BAIAP2: variants seen among roughly 807,000 people sequenced by gnomAD.
The protein encoded by BAIAP2 is BAR/IMD domain containing adaptor protein 2.
Under a neutral mutation model 63.0 loss-of-function variants are expected in BAIAP2, and 18 were observed. The ratio of observed to expected loss-of-function variants is 0.29; its 90% confidence interval spans 0.20 to 0.42. The LOEUF is 0.42. BAIAP2 is among the 10% of genes least tolerant of loss of function. The pLI is 1.00. For missense variants in BAIAP2, 610 were observed against 734.3 expected (o/e 0.83, Z 1.96); for synonymous variants, 386 against 307.6 (o/e 1.25, Z -2.67).
chr17:81,115,660 G>T, intron 13 of BAIAP2, 110 bp from the exon 14 acceptor site: 3 of 1,305,128 alleles, frequency 2.3e-6, no homozygotes, highest in Admixed American at 1.8e-5. Context: ...CCTGAGATCG[G>T]ACCGTAGGCA....
intron 6 of BAIAP2, among the ~76,000 whole-genome samples, chr17:81,089,678 C>T (rs2056378519): frequency 6.6e-6 from 1 of 152,140 alleles, no homozygotes; most frequent in African/African-American, 2.4e-5. Context: ...CTGTCTGCGT[C>T]CTGATGGGCC....
At chr17:81,068,942 C>G (rs1260153652) in intron 3 of BAIAP2, among the ~76,000 whole-genome samples, 2 of 152,172 alleles carry the variant, frequency 1.3e-5, no homozygotes, top group African/African-American at 4.8e-5. Context: ...CTGCTCCAGG[C>G]TCCTCCACTC....
intron 3 of BAIAP2, among the ~76,000 whole-genome samples, chr17:81,066,282 G>A (rs982106516): frequency 2.0e-5 from 3 of 152,356 alleles, no homozygotes; most frequent in Middle Eastern, 3.4e-3. Flanking sequence ...CCAGGTGCCC[G>A]GGAGAGTGGC....
At chr17:81,062,489 C>T (rs1193282114) in intron 3 of BAIAP2, among the ~76,000 whole-genome samples, 2 of 152,204 alleles carry the variant, frequency 1.3e-5, no homozygotes, top group African/African-American at 4.8e-5. Flanking sequence ...CAGCTGCACC[C>T]TTGCACTGGC....
At chr17:81,063,926 C>G (rs2051021479) in intron 3 of BAIAP2, 1 of 147,714 alleles carries the variant, frequency 6.8e-6, no homozygotes, top group South Asian at 2.2e-4. Context: ...AAGGCAGAGC[C>G]CTGGTCTGTG....
chr17:81,051,177 C>T (rs1452839624), intron 1 of BAIAP2, among the ~76,000 whole-genome samples: 2 of 152,028 alleles, frequency 1.3e-5, no homozygotes, highest in African/African-American at 4.8e-5. Flanking sequence ...TGCTGTGCTC[C>T]AGCATCCCCG....
At position 81,106,772 on chromosome 17, in the gene BAIAP2, G is replaced by C; in HGVS notation, c.1365G>C (p.Thr455=). ...MSLQQGKSSS[T]GNLLDKDDLA... ...TGCAGCAAGGGAAGAGCAGCAGCAC[G>C]GGCAACCTCCTGGACAAGGACGACC... The change falls in exon 12 of 14, where the codon ACG becomes ACC. Residue 455 remains threonine, a synonymous_variant. Transcript: ENST00000428708. The C allele has an allele frequency of 6.2e-7, 1 of 1,612,640 alleles. No homozygotes were observed. The highest frequency in any genetic ancestry group is 8.5e-7 in the Non-Finnish European group (1 of 1,179,796).
intron 3 of BAIAP2, among the ~76,000 whole-genome samples, chr17:81,066,751 C>T (rs1018549829): frequency 6.6e-6 from 1 of 152,220 alleles, no homozygotes; most frequent in African/African-American, 2.4e-5. Context: ...GGGCCTCCTG[C>T]TCTCTGTGAG....
rs1351490654 is a variant in BAIAP2 at position 81,069,683 on chromosome 17, G to A, written c.217+11716G>A. ...TTCTCCATCCATGGCAGCTCCCTCT[G>A]CCCACTCGGGGGACTCTCCCCCGCC... On this transcript the variant is annotated intron_variant, in intron 3 of 13. Transcript: ENST00000428708. Among the ~76,000 whole-genome samples, 3 of 152,202 alleles carry A rather than the reference G, an allele frequency of 2.0e-5. No individual in the cohort carries two copies. The East Asian group carries it at 5.8e-4, about 29-fold the overall frequency.
chr17:81,116,253 C>T lies in BAIAP2; in HGVS notation c.*414C>T, dbSNP rs373541595. ...AGGTGTGATCTGTCCGCCCAAGGGC[C>T]AGAAGGCCGGGAGCACGGGGATGGG... On this transcript the variant is annotated 3_prime_UTR_variant, in exon 14 of 14. Transcript: ENST00000428708. 1 of 1,612,760 alleles carries T rather than the reference C, an allele frequency of 6.2e-7. No homozygotes were observed. The highest frequency in any genetic ancestry group is 2.2e-5 in the East Asian group (1 of 44,892).
At chr17:81,100,979 C>T (rs1439850626) in intron 7 of BAIAP2, among the ~76,000 whole-genome samples, 1 of 152,188 alleles carries the variant, frequency 6.6e-6, no homozygotes, top group African/African-American at 2.4e-5. Context: ...GACCCCTCTG[C>T]CCGTCATCTG....
intron 3 of BAIAP2, among the ~76,000 whole-genome samples, chr17:81,081,896 C>T (rs990867267): frequency 1.3e-5 from 2 of 152,212 alleles, no homozygotes; most frequent in Non-Finnish European, 2.9e-5. Context: ...GGCAGTCACA[C>T]CCATGGTTGG....
Position 81,106,281 on chromosome 17 carries a change from G to A in BAIAP2, c.1337+135G>A. ...TGCTACCGCAGGGCCATCCCCAGTGGCCCTGAGAGCTGGACGCTTGAGGCC... is the reference window on the plus strand; with the variant it reads ...TGCTACCGCAGGGCCATCCCCAGTGACCCTGAGAGCTGGACGCTTGAGGCC... On this transcript the variant is annotated intron_variant, in intron 11 of 13. Transcript: ENST00000428708. 2.1e-6 allele frequency: 2 copies of A among 959,324 alleles called. 1 individual carries two copies. The highest frequency in any genetic ancestry group is 4.4e-4 in the Middle Eastern group (2 of 4,552). The allele number at this position is 959,324 out of a possible 1,614,324, so 59.4% of individuals were successfully genotyped here. A position where few individuals can be genotyped will look rare whatever the true frequency, so the allele number is the denominator to read the frequency against.
chr17:81,055,713 C>G (rs566137546), intron 2 of BAIAP2, among the ~76,000 whole-genome samples: 73 of 151,960 alleles, frequency 4.8e-4, no homozygotes, highest in African/African-American at 1.7e-3. Context: ...CCACAGGTGC[C>G]TGCCACCACG....
intron 6 of BAIAP2, among the ~76,000 whole-genome samples, chr17:81,094,721 G>A (rs1419667168): frequency 1.3e-5 from 2 of 152,216 alleles, no homozygotes; most frequent in Non-Finnish European, 2.9e-5. Flanking sequence ...GGGTTTTAGA[G>A]CAGCCACTGG....
At chr17:81,073,691 A>ACG (rs1449691897) in intron 3 of BAIAP2, among the ~76,000 whole-genome samples, 1 of 152,206 alleles carries the variant, frequency 6.6e-6, no homozygotes, top group South Asian at 2.1e-4. Flanking sequence ...TCTGAGATTC[A>ACG]CGCTCTCTCT....
chr17:81,108,613 G>A (rs2059462819), intron 13 of BAIAP2, 104 bp downstream of exon 13: 5 of 1,464,690 alleles, frequency 3.4e-6, no homozygotes, highest in Non-Finnish European at 4.7e-6. Flanking sequence ...TTTTCCTTTA[G>A]GGCCCAGCCT....
chr17:81,045,728 G>A (rs550861743), intron 1 of BAIAP2, among the ~76,000 whole-genome samples: 68 of 152,292 alleles, frequency 4.5e-4, no homozygotes, highest in African/African-American at 1.6e-3. Context: ...CCTGGTATGC[G>A]TGGGACCTGG....
intron 6 of BAIAP2, chr17:81,097,724 A>G (rs562202256): frequency 3.7e-4 from 62 of 167,740 alleles, no homozygotes; most frequent in African/African-American, 1.4e-3. Context: ...GAGAGGCGAG[A>G]CAGAGGAGAG....
Sources: gnomAD v4.1 joint callset for allele counts (sites outside exome capture counted in the v4.1 genomes callset) on GRCh38, gnomAD v4.1.1 for gene constraint, MANE v1.5 for transcripts, NCBI Gene and HGNC (gene_info 2026-07-23, HGNC 2026-07-21) for gene names.